OGDH: variants seen among roughly 807,000 people sequenced by gnomAD.
The protein encoded by OGDH is oxoglutarate dehydrogenase.
OGDH carries 38 observed loss-of-function variants against 116.6 expected under a neutral mutation model. The observed-to-expected ratio is 0.33, with a 90% CI of 0.25 to 0.43. The LOEUF (loss-of-function observed/expected upper bound fraction) is 0.43, where lower values mean the gene tolerates loss of function less well. OGDH is among the 20% of genes least tolerant of loss of function. The pLI is 1.00. For missense variants in OGDH, 825 were observed against 1,357.2 expected (o/e 0.61, Z 6.16); for synonymous variants, 488 against 533.3 (o/e 0.92, Z 1.17).
chr7:44,647,646 GC>G lies in OGDH; in HGVS notation c.415-9del. On this transcript the variant is annotated splice_polypyrimidine_tract_variant and intron_variant, in intron 3 of 22. Transcript: ENST00000222673. The stretch of plus-strand genomic sequence containing the variant: ...TGTGTGTCCTTCCCTCTCATCGTTG[GC>G]CACTCATAGATACGAGGGCACCATG... The G allele has an allele frequency of 6.2e-7, 1 of 1,608,924 alleles. No individual in the cohort carries two copies. The highest frequency in any genetic ancestry group is 8.5e-7 in the Non-Finnish European group (1 of 1,176,100).
chr7:44,692,444 G>A (rs1009837996), intron 10 of OGDH, among the ~76,000 whole-genome samples: 1 of 152,100 alleles, frequency 6.6e-6, no homozygotes, highest in African/African-American at 2.4e-5. Context: ...TACTGTTTAC[G>A]GACATATGAA....
At chr7:44,657,966 A>G (rs576086230) in intron 4 of OGDH, among the ~76,000 whole-genome samples, 4 of 152,288 alleles carry the variant, frequency 2.6e-5, no homozygotes, top group East Asian at 1.9e-4. Context: ...GTGTGGGTCT[A>G]TATCTGGATT....
chr7:44,708,084 G>T lies in OGDH; in HGVS notation c.*85G>T. 1 of 1,523,390 alleles carries T rather than the reference G, an allele frequency of 6.6e-7. No individual in the cohort carries two copies. Among genetic ancestry groups the T allele is most frequent in the Non-Finnish European group, 8.8e-7 (1 of 1,131,884 alleles). 94.4% of individuals were successfully genotyped at this position (1,523,390 alleles called of 1,614,324 possible). The stretch of plus-strand genomic sequence containing the variant: ...CTCAACTAAAGAATAGTGCCTCAGC[G>T]CTGCCCACACCACCGCCCTCCTCGC... On this transcript the variant is annotated 3_prime_UTR_variant, in exon 23 of 23. Coordinates refer to ENST00000222673, the MANE Select transcript of OGDH (RefSeq NM_002541.4).
chr7:44,682,530 T>C (rs753337321), intron 10 of OGDH, among the ~76,000 whole-genome samples: 1 of 151,598 alleles, frequency 6.6e-6, no homozygotes, highest in Non-Finnish European at 1.5e-5. Flanking sequence ...AAACCTCATC[T>C]CTACTAAAAA....
rs769776214 is a variant in OGDH at position 44,697,508 on chromosome 7, G to C, written c.2179+11G>C. On this transcript the variant is annotated intron_variant, in intron 16 of 22. Coordinates refer to ENST00000222673, the MANE Select transcript of OGDH (RefSeq NM_002541.4). The surrounding 1 kb of genome is among the most constrained non-coding windows in gnomAD (Gnocchi z 6.0). The stretch of plus-strand genomic sequence containing the variant: ...AGTACGGCGTGCTGGGTGAGTGCCT[G>C]GAGCCACACCACCAGGGCCTGTCAC... 1.2e-6 allele frequency: 2 copies of C among 1,613,922 alleles called. No homozygotes were observed. Among genetic ancestry groups the C allele is most frequent in the Admixed American group, 3.3e-5 (2 of 60,024 alleles).
intron 2 of OGDH, among the ~76,000 whole-genome samples, chr7:44,632,811 G>A (rs1404420783): frequency 6.6e-6 from 1 of 151,502 alleles, no homozygotes; most frequent in Non-Finnish European, 1.5e-5. Flanking sequence ...GTAGAGACGG[G>A]GTTTCGCCAT....
At chr7:44,612,921 C>T (rs972669526) in intron 1 of OGDH, among the ~76,000 whole-genome samples, 6 of 150,950 alleles carry the variant, frequency 4.0e-5, no homozygotes, top group Admixed American at 2.7e-4. Flanking sequence ...CACTCTGTCG[C>T]CCAGGCTGGA....
chr7:44,701,286 G>A (rs1408786433), intron 19 of OGDH, among the ~76,000 whole-genome samples: 1 of 152,186 alleles, frequency 6.6e-6, no homozygotes, highest in Non-Finnish European at 1.5e-5. Flanking sequence ...GCAGGGAAGG[G>A]AGTATTGGGA....
At chr7:44,610,538 G>T (rs561923924) in intron 1 of OGDH, among the ~76,000 whole-genome samples, 5 of 152,070 alleles carry the variant, frequency 3.3e-5, no homozygotes, top group Admixed American at 3.3e-4. Context: ...TCCTGACCTC[G>T]CGATCTGTCC....
chr7:44,703,079 G>C (rs1013584942), intron 20 of OGDH, among the ~76,000 whole-genome samples: 3 of 152,076 alleles, frequency 2.0e-5, no homozygotes, highest in Non-Finnish European at 2.9e-5. Flanking sequence ...ATGTCTGCGA[G>C]GTCCATCCAT....
intron 4 of OGDH, among the ~76,000 whole-genome samples, chr7:44,663,539 C>T (rs909965323): frequency 6.6e-6 from 1 of 152,132 alleles, no homozygotes; most frequent in Non-Finnish European, 1.5e-5. Context: ...GAGACTGAGG[C>T]GGGCAGATCA....
chr7:44,613,320 C>T (rs552787625), intron 1 of OGDH, among the ~76,000 whole-genome samples: 3 of 152,030 alleles, frequency 2.0e-5, no homozygotes, highest in Non-Finnish European at 2.9e-5. Flanking sequence ...GGACTATAGG[C>T]ACCCGCCACC....
chr7:44,649,441 G>A (rs1786338664), intron 4 of OGDH, among the ~76,000 whole-genome samples: 1 of 151,756 alleles, frequency 6.6e-6, no homozygotes, highest in East Asian at 1.9e-4. Context: ...GTAGAAACGG[G>A]GTTTCACCAT....
At chr7:44,670,381 G>C (rs1210247611) in intron 5 of OGDH, among the ~76,000 whole-genome samples, 1 of 152,066 alleles carries the variant, frequency 6.6e-6, no homozygotes, top group Non-Finnish European at 1.5e-5. Flanking sequence ...ATTTGGGGTC[G>C]TGATGATGAA....
At chr7:44,678,357 C>A (rs1436316732) in intron 9 of OGDH, among the ~76,000 whole-genome samples, 1 of 152,142 alleles carries the variant, frequency 6.6e-6, no homozygotes, top group Non-Finnish European at 1.5e-5. Flanking sequence ...TGGGTGATTC[C>A]CACATTCATA....
chr7:44,631,545 G>A (rs577335227), intron 2 of OGDH, among the ~76,000 whole-genome samples: 2 of 152,312 alleles, frequency 1.3e-5, no homozygotes, highest in East Asian at 1.9e-4. Context: ...GACTGAGTGC[G>A]CCTTCTCCAA....
chr7:44,616,053 T>C (rs1290061448), intron 1 of OGDH, among the ~76,000 whole-genome samples: 3 of 151,414 alleles, frequency 2.0e-5, no homozygotes, highest in Non-Finnish European at 4.4e-5. Context: ...AAAACCTCAA[T>C]GCTCTTTCTT....
At chr7:44,669,184 A>G (rs1218155480) in intron 5 of OGDH, among the ~76,000 whole-genome samples, 32 of 93,512 alleles carry the variant, frequency 3.4e-4, no homozygotes, top group Non-Finnish European at 9.3e-5. Flanking sequence ...ACAGGGTCTC[A>G]CTCTGTCACC....
Position 44,707,572 on chromosome 7 carries a change from T to C in OGDH, c.2797-10T>C, listed in dbSNP as rs768117235. ...TTCCTCTTTTTGATCTGACCCCTGC[T>C]GTCTCCTAGCTGTCGCCATTCCCCT... On this transcript the variant is annotated splice_polypyrimidine_tract_variant and intron_variant, in intron 21 of 22. Coordinates refer to ENST00000222673, the MANE Select transcript of OGDH (RefSeq NM_002541.4). This position sits in a 1 kb window ranked among gnomAD's most constrained non-coding sequence, Gnocchi z 5.2. 1.5e-5 allele frequency: 24 copies of C among 1,613,502 alleles called. No individual in the cohort carries two copies. In the Admixed American group the frequency reaches 3.7e-4, roughly 25 times the overall value.
Sources: allele counts gnomAD v4.1 joint callset (sites outside exome capture counted in the v4.1 genomes callset), GRCh38; gene constraint gnomAD v4.1.1; non-coding constraint Gnocchi (gnomAD v3.1); transcripts MANE v1.5; gene names NCBI Gene and HGNC (gene_info 2026-07-23, HGNC 2026-07-21).